Variants in ZNF420 observed in about 807,000 individuals in gnomAD.
ZNF420 encodes zinc finger protein 420.
In ZNF420, 31 loss-of-function variants were observed where a neutral mutation model predicts 44.7. The ratio of observed to expected loss-of-function variants is 0.69; its 90% confidence interval spans 0.52 to 0.94. ZNF420 has a LOEUF of 0.94. Among genes scored for constraint, ZNF420 ranks in the 40% least tolerant of loss-of-function variants. The pLI, the probability that ZNF420 is intolerant of heterozygous loss-of-function variation, is 0.00. For synonymous variants in ZNF420, 245 were observed against 267.4 expected, an observed-to-expected ratio of 0.92 and a Z score of 0.82; for missense variants, 681 against 827.9, an observed-to-expected ratio of 0.82 and a Z score of 2.18.
intron 1 of ZNF420, among the ~76,000 whole-genome samples, chr19:37,036,329 A>G (rs1188931943): frequency 6.6e-6 from 1 of 152,224 alleles, no homozygotes; most frequent in Non-Finnish European, 1.5e-5. Flanking sequence ...TGCATGTATC[A>G]AAATATCACA....
chr19:37,113,222 T>C (rs1044346229), intron 4 of ZNF420, among the ~76,000 whole-genome samples: 4 of 152,220 alleles, frequency 2.6e-5, no homozygotes, highest in Admixed American at 2.0e-4. Context: ...ATAAGTCAGG[T>C]GGCTCTTTAT....
chr19:37,105,787 C>T (rs368882464), intron 4 of ZNF420, among the ~76,000 whole-genome samples: 21 of 152,112 alleles, frequency 1.4e-4, no homozygotes, highest in Admixed American at 3.9e-4. Flanking sequence ...ATTTTATTGT[C>T]TTTGAAGTAA....
rs1967420669 is a variant in ZNF420, at chr19:37,039,760, G to C, written c.-125+31678G>C. Among the ~76,000 whole-genome samples the C allele has an allele frequency of 2.0e-5, 3 of 151,684 alleles. No homozygotes were observed. In the South Asian group the frequency reaches 6.2e-4, roughly 32 times the overall value. ...CTGTTGCCCAGACTGGATTGCAGTG[G>C]TGTGATCTTGGGCAACTGCAGACTT... On this transcript the variant is annotated intron_variant, in intron 1 of 4. Coordinates refer to the ZNF420 transcript ENST00000587029.
intron 1 of ZNF420, among the ~76,000 whole-genome samples, chr19:37,060,361 C>G (rs534638842): frequency 3.0e-4 from 46 of 151,654 alleles, no homozygotes; most frequent in Non-Finnish European, 6.0e-4. Flanking sequence ...CACTGGAATG[C>G]TGGCCTCTTT....
intron 2 of ZNF420, among the ~76,000 whole-genome samples, chr19:37,086,117 C>T (rs1968761070): frequency 6.6e-6 from 1 of 151,952 alleles, no homozygotes; most frequent in Admixed American, 6.6e-5. Flanking sequence ...GGCCTCACTA[C>T]TTTTTCACTC....
intron 1 of ZNF420, among the ~76,000 whole-genome samples, chr19:37,062,475 C>T (rs1302531734): frequency 6.6e-6 from 1 of 152,130 alleles, no homozygotes; most frequent in Non-Finnish European, 1.5e-5. Flanking sequence ...TTATGAAAGA[C>T]AGTGCAAACT....
intron 4 of ZNF420, among the ~76,000 whole-genome samples, chr19:37,112,606 C>T (rs114549351): frequency 0.017 from 2,597 of 152,292 alleles, 80 homozygotes; most frequent in African/African-American, 0.059. Context: ...CAGGTCTGCT[C>T]TCTGAGACCT....
chr19:37,089,804 G>A lies in ZNF420; in HGVS notation c.9+677G>A, dbSNP rs553005356. On this transcript the variant is annotated intron_variant, in intron 3 of 4. Transcript: ENST00000337995. ...GAGAATTATAAACTCTGAGAACCAA[G>A]AAATACTTACAAGATTTTTACAACC... Among the ~76,000 whole-genome samples, 3 of 152,258 alleles carry A rather than the reference G, an allele frequency of 2.0e-5. No individual in the cohort carries two copies. In the South Asian group the frequency reaches 6.2e-4, roughly 32 times the overall value.
At chr19:37,013,321 A>G (rs1222055595) in intron 1 of ZNF420, among the ~76,000 whole-genome samples, 4 of 152,140 alleles carry the variant, frequency 2.6e-5, no homozygotes, top group Admixed American at 6.5e-5. Flanking sequence ...GGCCTTGCCA[A>G]TGTGCATGCT....
At chr19:37,118,212 G>C (rs1298247358) in intron 4 of ZNF420, among the ~76,000 whole-genome samples, 1 of 152,166 alleles carries the variant, frequency 6.6e-6, no homozygotes, top group Non-Finnish European at 1.5e-5. Flanking sequence ...AATGTTAAGG[G>C]CAGCCAGAGA....
intron 4 of ZNF420, among the ~76,000 whole-genome samples, chr19:37,094,147 A>G (rs1057253918): frequency 6.6e-6 from 1 of 152,158 alleles, no homozygotes; most frequent in African/African-American, 2.4e-5. Context: ...ATGTTTAGCC[A>G]TGTTTGATAA....
chr19:37,020,879 T>C (rs1443941357), intron 1 of ZNF420, among the ~76,000 whole-genome samples: 3 of 151,932 alleles, frequency 2.0e-5, no homozygotes, highest in Admixed American at 1.3e-4. Flanking sequence ...TTGGCAGGGG[T>C]TGGGGGAATG....
Position 37,127,363 on chromosome 19 carries a change from T to G in ZNF420, c.372T>G (p.Thr124=). The change falls in exon 5 of 5, where the codon ACT becomes ACG. Residue 124 remains threonine, a synonymous_variant. Transcript: ENST00000337995. ...YDKMSIFNQH[T]YLSQHSRCHS... Reference sequence around the variant, plus strand: ...AAATGTCCATTTTCAACCAGCATACTTACTTATCTCAACATTCAAGATGTC... The same window carrying G: ...AAATGTCCATTTTCAACCAGCATACGTACTTATCTCAACATTCAAGATGTC... 1 of 1,612,908 alleles carries G rather than the reference T, an allele frequency of 6.2e-7. No individual in the cohort carries two copies. The highest frequency in any genetic ancestry group is 8.5e-7 in the Non-Finnish European group (1 of 1,179,072).
chr19:37,117,854 A>G (rs1488043121), intron 4 of ZNF420, among the ~76,000 whole-genome samples: 2 of 152,378 alleles, frequency 1.3e-5, no homozygotes. Flanking sequence ...GACACGATCA[A>G]CTGGAAGAAA....
Position 37,130,184 on chromosome 19 carries a change from T to G in ZNF420, c.*1126T>G, listed in dbSNP as rs775971649. 2.6e-6 allele frequency: 4 copies of G among 1,550,382 alleles called. No homozygotes were observed. In the South Asian group the frequency reaches 4.8e-5, roughly 18 times the overall value. On this transcript the variant is annotated 3_prime_UTR_variant, in exon 5 of 5. Transcript: ENST00000337995. ...TCTCATGGGGACTTTGAGAATGGTA[T>G]CTGGGTGTTATGGATCATGGAGCAG...
At chr19:37,057,087 G>T (rs1181451189) in intron 1 of ZNF420, among the ~76,000 whole-genome samples, 1 of 152,198 alleles carries the variant, frequency 6.6e-6, no homozygotes, top group Non-Finnish European at 1.5e-5. Flanking sequence ...GGCAAAGCAG[G>T]AGCCCTCCAT....
At chr19:37,116,467 T>C (rs1161898737) in intron 4 of ZNF420, among the ~76,000 whole-genome samples, 1 of 148,356 alleles carries the variant, frequency 6.7e-6, no homozygotes, top group Non-Finnish European at 1.5e-5. Context: ...TTTTGGAAAA[T>C]ATGGGTGGAG....
At chr19:37,067,300 T>C (rs1967982774) in intron 1 of ZNF420, among the ~76,000 whole-genome samples, 1 of 152,178 alleles carries the variant, frequency 6.6e-6, no homozygotes, top group South Asian at 2.1e-4. Context: ...GTATGTACAT[T>C]TTACCTAAAA....
At chr19:37,043,203 C>T (rs547928384) in intron 1 of ZNF420, among the ~76,000 whole-genome samples, 15 of 152,308 alleles carry the variant, frequency 9.8e-5, no homozygotes, top group South Asian at 2.1e-4. Flanking sequence ...ATGATAGAAA[C>T]GTGGCACAGA....
Sources: gnomAD v4.1 joint callset for allele counts (sites outside exome capture counted in the v4.1 genomes callset) on GRCh38, gnomAD v4.1.1 for gene constraint, MANE v1.5 for transcripts, NCBI Gene and HGNC (gene_info 2026-07-23, HGNC 2026-07-21) for gene names.